Variants in PIP4P2 observed in about 807,000 individuals in gnomAD.
PIP4P2 encodes type 2 phosphatidylinositol 4,5-bisphosphate 4-phosphatase.
PIP4P2 carries 19 observed loss-of-function variants against 33.3 expected under a neutral mutation model. That is an observed-to-expected ratio of 0.57 (90% CI 0.40 to 0.84). The LOEUF (loss-of-function observed/expected upper bound fraction) is 0.84, where lower values mean the gene tolerates loss of function less well. Among genes scored for constraint, PIP4P2 ranks in the 40% least tolerant of loss-of-function variants. PIP4P2 has a pLI of 0.00. For synonymous variants in PIP4P2, 110 were observed against 111.9 expected (o/e 0.98, Z 0.11); for missense variants, 270 against 324.7 (o/e 0.83, Z 1.29).
intron 5 of PIP4P2, among the ~76,000 whole-genome samples, chr8:90,997,924 C>A (rs575716613): frequency 2.2e-4 from 33 of 151,976 alleles, no homozygotes; most frequent in Non-Finnish European, 4.3e-4. Flanking sequence ...AAGTTTTTTG[C>A]AAATATACAT....
chr8:91,036,674 T>C (rs572591013), intron 1 of PIP4P2, among the ~76,000 whole-genome samples: 1 of 152,350 alleles, frequency 6.6e-6, no homozygotes, highest in South Asian at 2.1e-4. Flanking sequence ...TAATTCATTC[T>C]CTAATCTATA....
intron 5 of PIP4P2, among the ~76,000 whole-genome samples, chr8:91,006,968 CA>C (rs1024117701): frequency 1.2e-4 from 18 of 150,254 alleles, no homozygotes; most frequent in Non-Finnish European, 2.2e-4. Context: ...GACTCTGTCT[CA>C]AAAAAAAAGA....
intron 1 of PIP4P2, 112 bp downstream of exon 1, chr8:91,040,532 A>G (rs187753642): frequency 8.0e-7 from 1 of 1,254,412 alleles, no homozygotes; most frequent in African/African-American, 1.5e-5. Context: ...CCTCAGCCCA[A>G]GCGAGAGGCT....
intron 4 of PIP4P2, among the ~76,000 whole-genome samples, chr8:91,009,402 G>C (rs1811802257): frequency 6.6e-6 from 1 of 151,910 alleles, no homozygotes; most frequent in Non-Finnish European, 1.5e-5. Context: ...ATGACTTACT[G>C]GTTGTAGATA....
intron 1 of PIP4P2, among the ~76,000 whole-genome samples, chr8:91,026,151 A>C (rs1812081229): frequency 6.6e-6 from 1 of 152,088 alleles, no homozygotes; most frequent in Non-Finnish European, 1.5e-5. Context: ...TCTTAATAGG[A>C]GGTGATATTG....
chr8:91,018,572 T>A, intron 3 of PIP4P2, 59 bp from the exon 4 acceptor site: 2 of 1,606,872 alleles, frequency 1.2e-6, no homozygotes, highest in Non-Finnish European at 8.5e-7. Context: ...GAGCAAAACC[T>A]GCAACATATG....
intron 5 of PIP4P2, among the ~76,000 whole-genome samples, chr8:91,005,923 C>A (rs1811757088): frequency 6.6e-6 from 1 of 152,212 alleles, no homozygotes; most frequent in African/African-American, 2.4e-5. Flanking sequence ...AACAACATCA[C>A]CTTTAGCTAC....
chr8:91,032,514 C>G (rs1286673618), intron 1 of PIP4P2, among the ~76,000 whole-genome samples: 1 of 152,142 alleles, frequency 6.6e-6, no homozygotes, highest in Non-Finnish European at 1.5e-5. Flanking sequence ...GGCGCGGTGG[C>G]TCATGCCTGT....
At chr8:91,004,537 G>T (rs1563562010) in intron 5 of PIP4P2, among the ~76,000 whole-genome samples, 1 of 152,136 alleles carries the variant, frequency 6.6e-6, no homozygotes, top group Non-Finnish European at 1.5e-5. Flanking sequence ...AAATGCTACA[G>T]AGAAAACAAG....
intron 1 of PIP4P2, among the ~76,000 whole-genome samples, chr8:91,039,049 A>G (rs189675137): frequency 2.0e-5 from 3 of 152,356 alleles, no homozygotes; most frequent in Admixed American, 1.3e-4. Flanking sequence ...TTTTTAAAAA[A>G]TAACTTATCC....
chr8:91,013,530 T>C (rs1811868317), intron 4 of PIP4P2, among the ~76,000 whole-genome samples: 1 of 152,158 alleles, frequency 6.6e-6, no homozygotes, highest in Admixed American at 6.6e-5. Context: ...TAAATCAGTA[T>C]ATACTGATTT....
chr8:91,037,268 C>T (rs10106732), intron 1 of PIP4P2, among the ~76,000 whole-genome samples: 91,039 of 151,990 alleles, frequency 0.6, 28,055 homozygotes, highest in Middle Eastern at 0.72. Context: ...GCATTTCCTA[C>T]TGCTGTTTCC....
At chr8:91,021,983 G>A (rs1812016891) in intron 1 of PIP4P2, among the ~76,000 whole-genome samples, 1 of 151,926 alleles carries the variant, frequency 6.6e-6, no homozygotes, top group South Asian at 2.1e-4. Context: ...ACAAAAATGG[G>A]AACCATGCTA....
intron 1 of PIP4P2, among the ~76,000 whole-genome samples, chr8:91,029,142 T>C (rs929088741): frequency 3.3e-5 from 5 of 151,782 alleles, no homozygotes; most frequent in African/African-American, 1.2e-4. Flanking sequence ...AATACAAAAA[T>C]TAGCCAGGAG....
At chr8:91,017,671 CCCA>C in intron 4 of PIP4P2, among the ~76,000 whole-genome samples, 1 of 151,976 alleles carries the variant, frequency 6.6e-6, no homozygotes, top group South Asian at 2.1e-4. Flanking sequence ...TGTTTAGACT[CCCA>C]TGTGTATACT....
intron 1 of PIP4P2, among the ~76,000 whole-genome samples, chr8:91,031,594 CT>C (rs973518426): frequency 2.0e-5 from 3 of 152,174 alleles, no homozygotes; most frequent in Admixed American, 6.6e-5. Flanking sequence ...TTGCCATTGC[CT>C]TTAGAAGTAA....
chr8:91,029,979 AC>A (rs943344999), intron 1 of PIP4P2, among the ~76,000 whole-genome samples: 7 of 152,180 alleles, frequency 4.6e-5, no homozygotes. Flanking sequence ...AAAAACAAAA[AC>A]AAAAACAAAA....
At chr8:91,012,871 T>C (rs1053349686) in intron 4 of PIP4P2, among the ~76,000 whole-genome samples, 1 of 152,200 alleles carries the variant, frequency 6.6e-6, no homozygotes, top group African/African-American at 2.4e-5. Flanking sequence ...CCATGGCACA[T>C]ACATATCTAC....
At position 90,994,503 on chromosome 8, in the gene PIP4P2, T is replaced by C. The variant is rs1811602959; in HGVS notation, c.*1174A>G. On this transcript the variant is annotated 3_prime_UTR_variant, in exon 7 of 7. Transcript: ENST00000285419. ...ATCTCACTGTCTAATTCTACTACAT[T>C]TAAAGACTGTAGAACATTTGTGATT... The C allele has an allele frequency of 6.6e-6, 1 of 152,514 alleles. No individual in the cohort carries two copies. The highest frequency in any genetic ancestry group is 2.4e-5 in the African/African-American group (1 of 41,442). The allele number at this position is 152,514 out of a possible 1,614,324, so 9.4% of individuals were successfully genotyped here. A position where few individuals can be genotyped will look rare whatever the true frequency, so the allele number is the denominator to read the frequency against.
Sources: allele counts gnomAD v4.1 joint callset (sites outside exome capture counted in the v4.1 genomes callset), GRCh38; gene constraint gnomAD v4.1.1; transcripts MANE v1.5; gene names NCBI Gene and HGNC (gene_info 2026-07-23, HGNC 2026-07-21).